ODR4: variants seen among roughly 807,000 people sequenced by gnomAD.
ODR4 encodes protein odr-4 homolog.
A neutral mutation model predicts 60.2 loss-of-function variants in ODR4; 47 were observed. The observed-to-expected ratio is 0.78, with a 90% CI of 0.62 to 1.00. The LOEUF (loss-of-function observed/expected upper bound fraction) is 1.00, where lower values mean the gene tolerates loss of function less well. ODR4 is among the 50% of genes least tolerant of loss of function. The pLI is 0.00. For missense variants in ODR4, 488 were observed against 530.8 expected (o/e 0.92, Z 0.79); for synonymous variants, 178 against 175.5 (o/e 1.01, Z -0.11).
intron 3 of ODR4, among the ~76,000 whole-genome samples, chr1:186,384,591 A>T (rs1219362134): frequency 2.0e-5 from 3 of 151,950 alleles, no homozygotes; most frequent in African/African-American, 4.8e-5. Flanking sequence ...ACACACACAC[A>T]CACACACACA....
chr1:186,388,856 G>C (rs1417906976), intron 5 of ODR4, among the ~76,000 whole-genome samples: 1 of 152,172 alleles, frequency 6.6e-6, no homozygotes, highest in Non-Finnish European at 1.5e-5. Context: ...ATGCCTAACT[G>C]ATGGCTTAGG....
In ODR4 at chr1:186,383,218, A is replaced by G. The variant is rs1660109773; in HGVS notation, c.234+62A>G. The G allele has an allele frequency of 8.8e-6, 13 of 1,482,722 alleles. No homozygotes were observed. The South Asian group carries it at 1.7e-4, about 20-fold the overall frequency. 91.8% of individuals were successfully genotyped at this position (1,482,722 alleles called of 1,614,324 possible). On this transcript the variant is annotated intron_variant, in intron 3 of 13. Coordinates refer to ENST00000287859, the MANE Select transcript of ODR4 (RefSeq NM_017847.6). Reference sequence around the variant, plus strand: ...TTTCAAAAAAGAGCTAGAATCAAGAAGATTTAGTGAATGAGTAGAGAGAAG... The same window carrying G: ...TTTCAAAAAAGAGCTAGAATCAAGAGGATTTAGTGAATGAGTAGAGAGAAG...
At chr1:186,391,609 T>G (rs1311747756) in intron 7 of ODR4, 87 bp from the exon 8 acceptor site, 2 of 828,954 alleles carry the variant, frequency 2.4e-6, no homozygotes, top group Non-Finnish European at 3.9e-6. Flanking sequence ...AATATTTCAA[T>G]TTATTAGGTG....
chr1:186,392,205 C>T (rs529901771), intron 8 of ODR4, among the ~76,000 whole-genome samples: 1 of 152,270 alleles, frequency 6.6e-6, no homozygotes, highest in Non-Finnish European at 1.5e-5. Context: ...ATAAGTTCAA[C>T]CATTGTGGAA....
intron 12 of ODR4, among the ~76,000 whole-genome samples, chr1:186,406,504 G>A (rs1661179113): frequency 6.6e-6 from 1 of 152,074 alleles, no homozygotes; most frequent in Admixed American, 6.6e-5. Flanking sequence ...TATTTTTCAA[G>A]CTTAGCAAGT....
downstream of ODR4, among the ~76,000 whole-genome samples, chr1:186,422,432 T>C (rs1235177108): frequency 1.3e-5 from 2 of 152,182 alleles, no homozygotes; most frequent in East Asian, 3.8e-4. Context: ...CATTTTAATG[T>C]AATTAATACT....
intron 4 of ODR4, among the ~76,000 whole-genome samples, chr1:186,386,350 C>T (rs532255711): frequency 2.0e-5 from 3 of 152,204 alleles, no homozygotes; most frequent in Admixed American, 6.5e-5. Context: ...CAAAACAGGG[C>T]TATCATCAGC....
At chr1:186,381,351 C>T (rs1571658368) in intron 2 of ODR4, among the ~76,000 whole-genome samples, 3 of 146,544 alleles carry the variant, frequency 2.0e-5, no homozygotes, top group Admixed American at 1.3e-4. Context: ...TTTTTTGAGA[C>T]GGAGTCTCGC....
intron 11 of ODR4, among the ~76,000 whole-genome samples, chr1:186,401,876 A>G (rs1421088972): frequency 6.6e-6 from 1 of 152,084 alleles, no homozygotes; most frequent in African/African-American, 2.4e-5. Flanking sequence ...AGAATGAGTT[A>G]AGAGTTCTCT....
chr1:186,393,438 T>C (rs1435192893), intron 8 of ODR4, among the ~76,000 whole-genome samples: 1 of 152,242 alleles, frequency 6.6e-6, no homozygotes, highest in Non-Finnish European at 1.5e-5. Flanking sequence ...GTTCAAAAGC[T>C]ATGGCCATTT....
In ODR4 at chr1:186,386,160, T is replaced by G. The variant is rs1660242472; in HGVS notation, c.330+77T>G. On this transcript the variant is annotated intron_variant, in intron 4 of 13. Transcript: ENST00000287859. Reference sequence around the variant, plus strand: ...TACTGATTATGAGTATGTGTAATGATTCTAGGCATATTTACATTTGTTTTC... The same window carrying G: ...TACTGATTATGAGTATGTGTAATGAGTCTAGGCATATTTACATTTGTTTTC... The G allele has an allele frequency of 4.1e-6, 3 of 740,702 alleles. No homozygotes were observed. In the African/African-American group the frequency reaches 5.6e-5, roughly 14 times the overall value. The allele number at this position is 740,702 out of a possible 1,614,324, so 45.9% of individuals were successfully genotyped here. A position where few individuals can be genotyped will look rare whatever the true frequency, so the allele number is the denominator to read the frequency against.
chr1:186,410,881 G>A (rs1050678777), intron 12 of ODR4, among the ~76,000 whole-genome samples: 1 of 152,072 alleles, frequency 6.6e-6, no homozygotes, highest in African/African-American at 2.4e-5. Flanking sequence ...CAGGCGTGGT[G>A]AGGCATGCCT....
chr1:186,428,234 C>T, the ODR4 span, among the ~76,000 whole-genome samples: 1 of 152,090 alleles, frequency 6.6e-6, no homozygotes, highest in African/African-American at 2.4e-5. Context: ...GTTTAGCCAC[C>T]TTCATTGGTT....
intron 9 of ODR4, 145 bp downstream of exon 9, chr1:186,394,160 C>A: frequency 1.8e-6 from 1 of 558,036 alleles, no homozygotes; most frequent in South Asian, 2.6e-5. Context: ...GAAGGTTATT[C>A]CCAAGAAACA....
intron 2 of ODR4, among the ~76,000 whole-genome samples, chr1:186,381,434 TCTC>T (rs1221055289): frequency 5.3e-5 from 8 of 152,090 alleles, no homozygotes; most frequent in Admixed American, 3.9e-4. Flanking sequence ...TTCACGCCAT[TCTC>T]CTGCCTCAGC....
chr1:186,434,069 A>G, the ODR4 span, among the ~76,000 whole-genome samples: 5 of 152,244 alleles, frequency 3.3e-5, no homozygotes, highest in East Asian at 9.6e-4. Context: ...GTGACATTTT[A>G]TTAGCCATAT....
At chr1:186,400,950 G>T in intron 11 of ODR4, 1 of 1,258,822 alleles carries the variant, frequency 7.9e-7, no homozygotes, top group Non-Finnish European at 1.1e-6. Flanking sequence ...ATTTGACTTT[G>T]AGTTTGTGGT....
At chr1:186,428,276 C>A in the ODR4 span, among the ~76,000 whole-genome samples, 1 of 152,198 alleles carries the variant, frequency 6.6e-6, no homozygotes, top group Non-Finnish European at 1.5e-5. Context: ...TAACTTGCTG[C>A]AGCTTCTACA....
At chr1:186,402,654 C>T (rs1329601756) in intron 11 of ODR4, among the ~76,000 whole-genome samples, 3 of 151,810 alleles carry the variant, frequency 2.0e-5, no homozygotes, top group African/African-American at 7.3e-5. Flanking sequence ...CAGGTATGAT[C>T]ATAGCTAAAT....
Sources: gnomAD v4.1 joint callset for allele counts (sites outside exome capture counted in the v4.1 genomes callset) on GRCh38, gnomAD v4.1.1 for gene constraint, MANE v1.5 for transcripts, NCBI Gene and HGNC (gene_info 2026-07-23, HGNC 2026-07-21) for gene names.